CA10: variants seen among roughly 807,000 people sequenced by gnomAD.
CA10 encodes carbonic anhydrase-related protein 10.
A neutral mutation model predicts 44.2 loss-of-function variants in CA10; 14 were observed. The ratio of observed to expected loss-of-function variants is 0.32; its 90% CI spans 0.21 to 0.50. The LOEUF is 0.50. Ranked by LOEUF, CA10 falls within the 20% of genes least tolerant of loss-of-function variation. The pLI, the probability that CA10 is intolerant of heterozygous loss-of-function variation, is 0.99. For missense variants in CA10, 350 were observed against 409.7 expected (o/e 0.85, Z 1.26); for synonymous variants, 159 against 141.6 (o/e 1.12, Z -0.87).
chr17:51,840,727 A>G (rs918096044), intron 3 of CA10, among the ~76,000 whole-genome samples: 3 of 152,180 alleles, frequency 2.0e-5, no homozygotes, highest in African/African-American at 7.2e-5. Context: ...TGGAGAAGCT[A>G]TCATCTCTAG....
intron 5 of CA10, among the ~76,000 whole-genome samples, chr17:51,649,807 T>G (rs1473396438): frequency 1.3e-5 from 2 of 149,498 alleles, no homozygotes; most frequent in Non-Finnish European, 3.0e-5. Flanking sequence ...ACTGACATGT[T>G]AGGAAGGGGA....
At chr17:51,860,562 C>A (rs1979258480) in intron 3 of CA10, among the ~76,000 whole-genome samples, 1 of 152,208 alleles carries the variant, frequency 6.6e-6, no homozygotes, top group Non-Finnish European at 1.5e-5. Flanking sequence ...TCCACATTCA[C>A]TTTTCCTAGA....
chr17:51,914,473 C>T (rs1981914158), intron 3 of CA10, among the ~76,000 whole-genome samples: 1 of 152,090 alleles, frequency 6.6e-6, no homozygotes, highest in Non-Finnish European at 1.5e-5. Context: ...GATTTGCCAC[C>T]TTGCCAGGGA....
At chr17:51,868,330 T>C (rs1333824510) in intron 3 of CA10, among the ~76,000 whole-genome samples, 1 of 152,206 alleles carries the variant, frequency 6.6e-6, no homozygotes, top group Non-Finnish European at 1.5e-5. Context: ...TTTACTGCCA[T>C]GGGTTATAAA....
At chr17:51,631,715 G>T in intron 8 of CA10, 109 bp from the exon 9 acceptor site, 1 of 939,580 alleles carries the variant, frequency 1.1e-6, no homozygotes, top group Non-Finnish European at 1.7e-6. Context: ...GGAAGGGACT[G>T]TTTTGTAAAT....
intron 2 of CA10, among the ~76,000 whole-genome samples, chr17:51,976,960 T>C (rs1984485381): frequency 6.6e-6 from 1 of 151,954 alleles, no homozygotes. Flanking sequence ...ACAATATAGA[T>C]TAAACGGGCA....
At chr17:51,812,625 G>A (rs1907415578) in intron 3 of CA10, among the ~76,000 whole-genome samples, 1 of 152,212 alleles carries the variant, frequency 6.6e-6, no homozygotes, top group South Asian at 2.1e-4. Context: ...AGGTGATAAG[G>A]TAATTGATGG....
intron 2 of CA10, among the ~76,000 whole-genome samples, chr17:52,046,691 C>T (rs1279772827): frequency 6.6e-6 from 1 of 151,754 alleles, no homozygotes; most frequent in Non-Finnish European, 1.5e-5. Flanking sequence ...AAACCAGACA[C>T]AGAATCACCT....
intron 4 of CA10, among the ~76,000 whole-genome samples, chr17:51,668,346 A>T (rs1914283168): frequency 6.6e-6 from 1 of 152,238 alleles, no homozygotes; most frequent in South Asian, 2.1e-4. Context: ...CAGCTCTTGC[A>T]GGCAGAGCTT....
At chr17:51,924,861 C>G (rs1428786982) in intron 3 of CA10, among the ~76,000 whole-genome samples, 2 of 152,204 alleles carry the variant, frequency 1.3e-5, no homozygotes, top group Non-Finnish European at 2.9e-5. Flanking sequence ...CTTGCTGAGA[C>G]TCTCCCTGAT....
chr17:52,009,091 G>C (rs972115913), intron 2 of CA10, among the ~76,000 whole-genome samples: 2 of 151,858 alleles, frequency 1.3e-5, no homozygotes, highest in Non-Finnish European at 2.9e-5. Context: ...AGCCCTTAAA[G>C]ACACTACAAG....
intron 3 of CA10, among the ~76,000 whole-genome samples, chr17:51,899,607 G>C (rs1290100403): frequency 1.3e-5 from 2 of 152,002 alleles, no homozygotes; most frequent in Admixed American, 1.3e-4. Context: ...ATATTTGTTA[G>C]TTTTCTGCCT....
chr17:51,838,785 T>A (rs903002112), intron 3 of CA10, among the ~76,000 whole-genome samples: 6 of 152,220 alleles, frequency 3.9e-5, no homozygotes, highest in Non-Finnish European at 8.8e-5. Flanking sequence ...CAAGGGAGCC[T>A]GCAGATTAGT....
At chr17:51,835,829 A>G (rs767534454) in intron 3 of CA10, among the ~76,000 whole-genome samples, 7 of 152,224 alleles carry the variant, frequency 4.6e-5, no homozygotes, top group Non-Finnish European at 5.9e-5. Context: ...GCTCAGTGCC[A>G]TAAGAGTGTA....
At chr17:52,157,394 T>C (rs1405727375) in intron 1 of CA10, among the ~76,000 whole-genome samples, 1 of 152,018 alleles carries the variant, frequency 6.6e-6, no homozygotes, top group East Asian at 1.9e-4. Flanking sequence ...GGGGTGGTTG[T>C]TGCCAAGGCT....
At chr17:51,824,238 C>T (rs1015032488) in intron 3 of CA10, among the ~76,000 whole-genome samples, 2 of 152,186 alleles carry the variant, frequency 1.3e-5, no homozygotes, top group South Asian at 2.1e-4. Flanking sequence ...CCCATGGTAA[C>T]GTATTCAGGA....
intron 3 of CA10, among the ~76,000 whole-genome samples, chr17:51,829,192 C>T (rs9907693): frequency 0.046 from 7,058 of 152,282 alleles, 460 homozygotes; most frequent in African/African-American, 0.15. Flanking sequence ...TTTGCCAATC[C>T]TTGCCTAAGG....
intron 4 of CA10, among the ~76,000 whole-genome samples, chr17:51,697,945 T>C (rs1206214932): frequency 1.3e-5 from 2 of 152,212 alleles, no homozygotes; most frequent in African/African-American, 4.8e-5. Context: ...TTTTGACTAC[T>C]ACCCTGATGT....
At chr17:51,653,761 C>T (rs1465767714) in intron 4 of CA10, 25 bp from the exon 5 acceptor site, 7 of 1,361,724 alleles carry the variant, frequency 5.1e-6, no homozygotes, top group East Asian at 2.3e-5. Flanking sequence ...AAACAAGAAT[C>T]AGAACAATAA....
Sources: allele counts gnomAD v4.1 joint callset (sites outside exome capture counted in the v4.1 genomes callset), GRCh38; gene constraint gnomAD v4.1.1; transcripts MANE v1.5; gene names NCBI Gene and HGNC (gene_info 2026-07-23, HGNC 2026-07-21).